Variants in SLC35F1 observed in about 807,000 individuals in gnomAD.
SLC35F1 encodes the protein solute carrier family 35 member F1.
SLC35F1 carries 14 observed loss-of-function variants against 48.7 expected under a neutral mutation model. The ratio of observed to expected loss-of-function variants is 0.29; its 90% CI spans 0.19 to 0.45. The LOEUF (loss-of-function observed/expected upper bound fraction) is 0.45. Among genes scored for constraint, SLC35F1 ranks in the 20% least tolerant of loss-of-function variants. The pLI, the probability that SLC35F1 is intolerant of heterozygous loss-of-function variation, is 1.00. For synonymous variants in SLC35F1, 190 were observed against 202.2 expected (o/e 0.94, Z 0.51); for missense variants, 404 against 500.0 (o/e 0.81, Z 1.83).
At chr6:118,127,136 T>A (rs1440731840) in intron 1 of SLC35F1, among the ~76,000 whole-genome samples, 5 of 150,734 alleles carry the variant, frequency 3.3e-5, no homozygotes, top group Non-Finnish European at 5.9e-5. Flanking sequence ...ATAGCTCTTA[T>A]TATTTTGAGA....
At chr6:117,934,621 G>A (rs775960642) in intron 1 of SLC35F1, among the ~76,000 whole-genome samples, 1 of 152,062 alleles carries the variant, frequency 6.6e-6, no homozygotes, top group Non-Finnish European at 1.5e-5. Flanking sequence ...ATTATTTTAG[G>A]ATTATATTTG....
intron 2 of SLC35F1, among the ~76,000 whole-genome samples, chr6:118,173,352 G>A (rs1197254573): frequency 2.3e-5 from 3 of 128,942 alleles, no homozygotes; most frequent in East Asian, 2.1e-4. Context: ...AACAGATTAC[G>A]AAAAAAAAGA....
chr6:117,921,783 A>G (rs566887394), intron 1 of SLC35F1, among the ~76,000 whole-genome samples: 29 of 152,352 alleles, frequency 1.9e-4, no homozygotes, highest in South Asian at 1.0e-3. Flanking sequence ...TGCCTTCCAC[A>G]ATGATGGAAG....
chr6:118,094,601 G>T (rs140021627), intron 1 of SLC35F1, among the ~76,000 whole-genome samples: 1 of 152,212 alleles, frequency 6.6e-6, no homozygotes, highest in Non-Finnish European at 1.5e-5. Flanking sequence ...TATCCAGTAA[G>T]GTCAGAGAAA....
chr6:118,030,846 G>C (rs969769504), intron 1 of SLC35F1, among the ~76,000 whole-genome samples: 1 of 152,050 alleles, frequency 6.6e-6, no homozygotes, highest in Non-Finnish European at 1.5e-5. Flanking sequence ...ACAGCAGAGG[G>C]TCATTTTATA....
At position 118,314,437 on chromosome 6, in the gene SLC35F1, C is replaced by T. The variant is rs1300482547; in HGVS notation, c.*185C>T. 1 of 605,886 alleles carries T rather than the reference C, an allele frequency of 1.7e-6. No individual in the cohort carries two copies. Among genetic ancestry groups the T allele is most frequent in the Non-Finnish European group, 2.9e-6 (1 of 341,634 alleles). 37.5% of individuals were successfully genotyped at this position (605,886 alleles called of 1,614,324 possible). On this transcript the variant is annotated 3_prime_UTR_variant, in exon 8 of 8. Coordinates refer to ENST00000360388, the MANE Select transcript of SLC35F1 (RefSeq NM_001029858.4). ...CATCACTGGAGACACAGGCTCTAAT[C>T]CACCTGACTTGGAAGGATGCCTAGC... is the stretch of plus-strand genomic sequence containing the variant.
At chr6:118,129,825 A>G (rs1182495461) in intron 1 of SLC35F1, among the ~76,000 whole-genome samples, 1 of 152,208 alleles carries the variant, frequency 6.6e-6, no homozygotes, top group Non-Finnish European at 1.5e-5. Context: ...ACATTTAAAC[A>G]TAGAATCCTA....
At chr6:117,917,825 G>A (rs1775845980) in intron 1 of SLC35F1, among the ~76,000 whole-genome samples, 1 of 122,478 alleles carries the variant, frequency 8.2e-6, no homozygotes, top group Non-Finnish European at 1.9e-5. Flanking sequence ...CTGGATGCAT[G>A]TGTAGATAGA....
chr6:118,205,198 AG>A (rs1270104144), intron 2 of SLC35F1, among the ~76,000 whole-genome samples: 1 of 152,202 alleles, frequency 6.6e-6, no homozygotes, highest in East Asian at 1.9e-4. Context: ...GTTTTAGGGT[AG>A]AGTGTTAGCT....
At chr6:118,023,268 A>T (rs1301805096) in intron 1 of SLC35F1, among the ~76,000 whole-genome samples, 5 of 152,174 alleles carry the variant, frequency 3.3e-5, no homozygotes, top group African/African-American at 1.2e-4. Flanking sequence ...CAAATGCAAA[A>T]CGAAAATGCT....
At chr6:118,294,351 C>T (rs920037678) in intron 7 of SLC35F1, among the ~76,000 whole-genome samples, 1 of 152,142 alleles carries the variant, frequency 6.6e-6, no homozygotes, top group African/African-American at 2.4e-5. Context: ...ACCAGAAATA[C>T]AAAACATCTG....
chr6:118,207,278 A>T (rs1774947418), intron 2 of SLC35F1, among the ~76,000 whole-genome samples: 1 of 152,258 alleles, frequency 6.6e-6, no homozygotes, highest in South Asian at 2.1e-4. Flanking sequence ...ATAAAAAGGC[A>T]TATTTAAAAT....
intron 1 of SLC35F1, among the ~76,000 whole-genome samples, chr6:118,146,086 C>T (rs1475173270): frequency 3.3e-5 from 5 of 152,116 alleles, no homozygotes; most frequent in African/African-American, 1.2e-4. Context: ...CAGATGCATC[C>T]AGCATGCCTC....
chr6:118,145,880 T>G (rs543666095), intron 1 of SLC35F1, among the ~76,000 whole-genome samples: 1 of 152,212 alleles, frequency 6.6e-6, no homozygotes, highest in South Asian at 2.1e-4. Context: ...GAAATAAAAT[T>G]CTTATACTAT....
intron 7 of SLC35F1, among the ~76,000 whole-genome samples, chr6:118,292,359 G>T (rs1776135099): frequency 6.6e-6 from 1 of 152,138 alleles, no homozygotes; most frequent in African/African-American, 2.4e-5. Context: ...ACAAGTAGCT[G>T]AAAGTGCAAT....
chr6:118,273,157 T>G (rs576394451), intron 4 of SLC35F1, among the ~76,000 whole-genome samples: 1 of 152,284 alleles, frequency 6.6e-6, no homozygotes, highest in Non-Finnish European at 1.5e-5. Context: ...CAATAATTAT[T>G]ACTGAATTGG....
At chr6:117,931,303 A>G (rs1776098729) in intron 1 of SLC35F1, among the ~76,000 whole-genome samples, 2 of 152,326 alleles carry the variant, frequency 1.3e-5, no homozygotes, top group East Asian at 3.9e-4. Flanking sequence ...TGTATATGTC[A>G]ATAAAGTGGT....
At chr6:118,009,918 A>C (rs2114875296) in intron 1 of SLC35F1, among the ~76,000 whole-genome samples, 1 of 152,296 alleles carries the variant, frequency 6.6e-6, no homozygotes, top group Non-Finnish European at 1.5e-5. Flanking sequence ...CTGACAAAGA[A>C]GTTTCGTTGT....
chr6:118,253,586 A>G (rs966617764), intron 3 of SLC35F1, among the ~76,000 whole-genome samples: 2 of 152,152 alleles, frequency 1.3e-5, no homozygotes, highest in African/African-American at 4.8e-5. Flanking sequence ...TAGGTCCCTC[A>G]GAAACACCAA....
Sources: allele counts gnomAD v4.1 joint callset (sites outside exome capture counted in the v4.1 genomes callset), GRCh38; gene constraint gnomAD v4.1.1; transcripts MANE v1.5; gene names NCBI Gene and HGNC (gene_info 2026-07-23, HGNC 2026-07-21).